Variants in MLIP observed in about 807,000 individuals in gnomAD.
MLIP encodes muscular LMNA interacting protein.
Under a neutral mutation model 84.8 loss-of-function variants are expected in MLIP, and 79 were observed. That is an observed-to-expected ratio of 0.93 (90% CI 0.78 to 1.12). The LOEUF (loss-of-function observed/expected upper bound fraction) is 1.12, where lower values mean the gene tolerates loss of function less well. Among genes scored for constraint, MLIP ranks in the 50% most tolerant of loss-of-function variants. The probability of loss-of-function intolerance (pLI) is 0.00; values close to 1 mark genes in which losing one functional copy is unlikely to be tolerated. For synonymous variants in MLIP, 504 were observed against 463.0 expected, an observed-to-expected ratio of 1.09 and a Z score of -1.14; for missense variants, 1,257 against 1,160.6, an observed-to-expected ratio of 1.08 and a Z score of -1.21.
rs184513999 is a variant in MLIP at position 54,159,382 on chromosome 6, C to T, written c.2290-985C>T. 5.8e-4 allele frequency among the ~76,000 whole-genome samples: 89 copies of T among 152,168 alleles called. 1 individual carries two copies. Among genetic ancestry groups the T allele is most frequent in the African/African-American group, 2.0e-3 (83 of 41,556 alleles). ...TTTAAAATTAGCTTGCCTTATTCTG[C>T]TTCTGCAAATAGAGAAGTAGCTTGT... On this transcript the variant is annotated intron_variant, in intron 5 of 13. Transcript: ENST00000502396.
At chr6:54,230,655 C>T in intron 11 of MLIP, 59 bp from the exon 12 acceptor site, 1 of 1,514,630 alleles carries the variant, frequency 6.6e-7, no homozygotes, top group Non-Finnish European at 9.1e-7. Flanking sequence ...GACCTAATTC[C>T]AAGCGTGCTT....
intron 3 of MLIP, among the ~76,000 whole-genome samples, chr6:54,130,928 A>G (rs1167580784): frequency 6.6e-6 from 1 of 152,178 alleles, no homozygotes; most frequent in Non-Finnish European, 1.5e-5. Context: ...GCCATAAATA[A>G]AAGTTTTGAA....
intron 1 of MLIP, among the ~76,000 whole-genome samples, chr6:54,120,933 G>A (rs1230563119): frequency 1.3e-5 from 2 of 152,164 alleles, no homozygotes; most frequent in African/African-American, 4.8e-5. Context: ...ATAAATGAAG[G>A]AGAAGGTATA....
chr6:54,133,827 G>T (rs1432681330), intron 3 of MLIP, among the ~76,000 whole-genome samples: 19 of 152,120 alleles, frequency 1.2e-4, no homozygotes, highest in Admixed American at 1.2e-3. Flanking sequence ...CAGAGTTCCA[G>T]ATAGCCTTTC....
chr6:54,078,980 C>T (rs1475175082), intron 1 of MLIP, among the ~76,000 whole-genome samples: 2 of 152,076 alleles, frequency 1.3e-5, no homozygotes, highest in African/African-American at 2.4e-5. Flanking sequence ...CATGAACCAC[C>T]GCGCCCGGCC....
At chr6:54,254,213 A>G (rs987877840) in intron 12 of MLIP, among the ~76,000 whole-genome samples, 4 of 141,516 alleles carry the variant, frequency 2.8e-5, no homozygotes, top group African/African-American at 8.0e-5. Flanking sequence ...TGCAATCTCC[A>G]CCTCCCGGGT....
At chr6:54,079,198 A>G (rs1766986214) in intron 1 of MLIP, among the ~76,000 whole-genome samples, 1 of 152,202 alleles carries the variant, frequency 6.6e-6, no homozygotes, top group African/African-American at 2.4e-5. Context: ...ATTTTCTATC[A>G]GGTATGACTA....
intron 1 of MLIP, among the ~76,000 whole-genome samples, chr6:54,073,223 T>C (rs746663085): frequency 6.6e-6 from 1 of 152,220 alleles, no homozygotes; most frequent in Non-Finnish European, 1.5e-5. Context: ...AGCTGATCCT[T>C]CCTATACCTC....
At chr6:54,217,585 G>A in intron 11 of MLIP, 1 of 984,360 alleles carries the variant, frequency 1.0e-6, no homozygotes, top group Non-Finnish European at 1.2e-6. Context: ...TCTTCTTGAA[G>A]TTTTGTAGAA....
At chr6:54,197,239 G>A (rs901088178) in intron 10 of MLIP, among the ~76,000 whole-genome samples, 10 of 152,052 alleles carry the variant, frequency 6.6e-5, no homozygotes, top group African/African-American at 2.4e-4. Flanking sequence ...TCAGAGGAGA[G>A]TTGACATGAC....
Position 54,226,346 on chromosome 6 carries a change from T to C in MLIP, c.2719-4368T>C, listed in dbSNP as rs73741477. Among the ~76,000 whole-genome samples the C allele has an allele frequency of 5.6e-3, 846 of 152,252 alleles. 10 individuals are homozygous for C. Among genetic ancestry groups the C allele is most frequent in the African/African-American group, 0.018 (749 of 41,536 alleles). ...CCGCACTGTCTCTTCTATTCACATC[T>C]CAGAACACTTGTAGCCAGGCCTTTG... On this transcript the variant is annotated intron_variant, in intron 11 of 13. Coordinates refer to ENST00000502396, the MANE Select transcript of MLIP (RefSeq NM_001281747.2).
chr6:54,250,744 T>C (rs1782419041), intron 12 of MLIP, among the ~76,000 whole-genome samples: 1 of 152,046 alleles, frequency 6.6e-6, no homozygotes, highest in Admixed American at 6.6e-5. Context: ...ACCAGCCCAA[T>C]TGTGAGTAAT....
chr6:54,097,320 A>G (rs1253260618), intron 1 of MLIP, among the ~76,000 whole-genome samples: 2 of 152,180 alleles, frequency 1.3e-5, no homozygotes, highest in Non-Finnish European at 1.5e-5. Context: ...TCCAGACAGC[A>G]GAATGGAGGA....
intron 3 of MLIP, among the ~76,000 whole-genome samples, chr6:54,134,922 A>G (rs1159393709): frequency 2.0e-5 from 3 of 152,034 alleles, no homozygotes; most frequent in Admixed American, 6.6e-5. Context: ...AAATGTTTCT[A>G]TATTCTTTTC....
At chr6:54,104,479 TTCAG>T (rs1768871510) in intron 1 of MLIP, among the ~76,000 whole-genome samples, 1 of 152,196 alleles carries the variant, frequency 6.6e-6, no homozygotes, top group Non-Finnish European at 1.5e-5. Flanking sequence ...TTTCAGGTCT[TTCAG>T]TCAATCTATC....
intron 12 of MLIP, among the ~76,000 whole-genome samples, chr6:54,236,206 T>A (rs1781349493): frequency 6.6e-6 from 1 of 151,798 alleles, no homozygotes; most frequent in Admixed American, 6.6e-5. Flanking sequence ...TAGTCATTTG[T>A]GGACATTCAC....
At chr6:54,126,234 G>A (rs1770909676) in intron 3 of MLIP, among the ~76,000 whole-genome samples, 1 of 151,972 alleles carries the variant, frequency 6.6e-6, no homozygotes, top group African/African-American at 2.4e-5. Context: ...AGAAGAAAAT[G>A]TATTAATAAA....
intron 9 of MLIP, among the ~76,000 whole-genome samples, chr6:54,187,410 A>T (rs1777501773): frequency 6.6e-6 from 1 of 152,222 alleles, no homozygotes; most frequent in African/African-American, 2.4e-5. Context: ...ACGAGGGGGG[A>T]CTATAACAAA....
At chr6:54,224,489 A>G (rs1203566368) in intron 11 of MLIP, among the ~76,000 whole-genome samples, 1 of 152,164 alleles carries the variant, frequency 6.6e-6, no homozygotes, top group African/African-American at 2.4e-5. Context: ...GGAAATTCGA[A>G]CAATCTTTTA....
Sources: gnomAD v4.1 joint callset for allele counts (sites outside exome capture counted in the v4.1 genomes callset) on GRCh38, gnomAD v4.1.1 for gene constraint, MANE v1.5 for transcripts, NCBI Gene and HGNC (gene_info 2026-07-23, HGNC 2026-07-21) for gene names.